The following SPNS3 variants were observed in gnomAD, a reference collection of about 807,000 sequenced individuals.
The protein encoded by SPNS3 is SPNS lysolipid transporter 3, sphingosine-1-phosphate (putative).
A neutral mutation model predicts 54.4 loss-of-function variants in SPNS3; 51 were observed. That is an observed-to-expected ratio of 0.94 (90% CI 0.75 to 1.18). SPNS3 has a LOEUF of 1.18. Among genes scored for constraint, SPNS3 ranks in the 50% most tolerant of loss-of-function variants. The probability of loss-of-function intolerance (pLI) is 0.00; values close to 1 mark genes in which losing one functional copy is unlikely to be tolerated. For missense variants in SPNS3, 669 were observed against 677.4 expected (o/e 0.99, Z 0.14); for synonymous variants, 309 against 294.7 (o/e 1.05, Z -0.50).
Position 4,486,222 on chromosome 17 carries a change from T to C in SPNS3, c.1180-6T>C. ...GGTGCCCCCCTGCTGTGCCTATGTT[T>C]TGCAGTCTGTGGTGGTGCCCAGATG... On this transcript the variant is annotated splice_region_variant and splice_polypyrimidine_tract_variant and intron_variant, in intron 9 of 11. Transcript: ENST00000355530. This position sits in a 1 kb window ranked among gnomAD's most constrained non-coding sequence, Gnocchi z 5.5. The C allele has an allele frequency of 1.3e-6, 2 of 1,538,244 alleles. No individual in the cohort carries two copies. Among genetic ancestry groups the C allele is most frequent in the Non-Finnish European group, 1.7e-6 (2 of 1,145,838 alleles).
intron 8 of SPNS3, among the ~76,000 whole-genome samples, chr17:4,476,849 G>A (rs571223037): frequency 2.0e-5 from 3 of 152,326 alleles, no homozygotes; most frequent in East Asian, 3.9e-4. Flanking sequence ...TCCTTGGCTG[G>A]TTCTGCTCTC....
intron 8 of SPNS3, among the ~76,000 whole-genome samples, chr17:4,464,917 G>T (rs1417199345): frequency 6.6e-6 from 1 of 152,140 alleles, no homozygotes. Context: ...CTGACCTCAG[G>T]TGATCCACCC....
At chr17:4,478,504 G>T in intron 8 of SPNS3, 68 bp from the exon 9 acceptor site, 1 of 1,423,374 alleles carries the variant, frequency 7.0e-7, no homozygotes, top group South Asian at 1.2e-5. Context: ...CTCCACAGGT[G>T]GGAAGCAACA....
chr17:4,477,970 C>CTA (rs1972051579), intron 8 of SPNS3, among the ~76,000 whole-genome samples: 1 of 97,622 alleles, frequency 1.0e-5, no homozygotes, highest in Admixed American at 1.3e-4. Flanking sequence ...TTCACTTTTC[C>CTA]TTTTTTTTTT....
intron 8 of SPNS3, among the ~76,000 whole-genome samples, chr17:4,474,535 C>A (rs1243449401): frequency 6.6e-6 from 1 of 152,174 alleles, no homozygotes; most frequent in Non-Finnish European, 1.5e-5. Context: ...GAAGACTGAG[C>A]TGAACCAAGA....
At chr17:4,441,948 G>C (rs1351474874) in intron 2 of SPNS3, among the ~76,000 whole-genome samples, 1 of 149,170 alleles carries the variant, frequency 6.7e-6, no homozygotes, top group African/African-American at 2.5e-5. Context: ...TAGTGGTCAA[G>C]ATTATTACTA....
chr17:4,442,762 G>A (rs1024014088), intron 2 of SPNS3, among the ~76,000 whole-genome samples: 7 of 152,184 alleles, frequency 4.6e-5, no homozygotes, highest in South Asian at 2.1e-4. Context: ...TTACTATTAT[G>A]TCCATTTTAC....
chr17:4,434,147 G>T lies in SPNS3; in HGVS notation c.180G>T (p.Met60Ile). 1 of 1,611,076 alleles carries T rather than the reference G, an allele frequency of 6.2e-7. No individual in the cohort carries two copies. Among genetic ancestry groups the T allele is most frequent in the South Asian group, 1.1e-5 (1 of 90,696 alleles). ...VLCYINLLNY[M>I]NWFIIAGVLL... ...GCTACATCAACCTCCTGAATTACAT[G>T]AACTGGTTCATCATTGCAGGTGAGG... The change falls in exon 1 of 12, where the codon ATG (methionine) becomes ATT (isoleucine). Residue 60 changes from methionine (M) to isoleucine (I), a missense_variant. Physicochemically the swap from Met to Ile is conservative, Grantham distance 10. Coordinates refer to ENST00000355530, the MANE Select transcript of SPNS3 (RefSeq NM_182538.5).
intron 7 of SPNS3, among the ~76,000 whole-genome samples, chr17:4,451,131 A>G (rs1055231507): frequency 6.6e-6 from 1 of 152,204 alleles, no homozygotes; most frequent in African/African-American, 2.4e-5. Flanking sequence ...AGCCCAGACC[A>G]GGACTCAGAG....
rs142715727 is a variant in SPNS3 at position 4,453,172 on chromosome 17, C to T, written c.1080C>T (p.Leu360=). ...CAGCCCCCTGCCTCTACCTGGCTCTCGTCCTGGCCCCGACCACCCTGCTGG... is the reference window on the plus strand; with the variant it reads ...CAGCCCCCTGCCTCTACCTGGCTCTTGTCCTGGCCCCGACCACCCTGCTGG... The part of the protein sequence containing the change: ...LATAPCLYLA[L]VLAPTTLLAS... Residue 360 remains leucine (L), a synonymous_variant, in exon 8 of 12, where the codon CTC becomes CTT. Transcript: ENST00000355530. 2.2e-5 allele frequency: 36 copies of T among 1,613,724 alleles called. 1 individual carries two copies. The African/African-American group carries it at 2.9e-4, about 13-fold the overall frequency.
intron 4 of SPNS3, chr17:4,446,553 A>G (rs1306290068): frequency 9.6e-6 from 5 of 518,282 alleles, no homozygotes; most frequent in East Asian, 3.2e-5. Flanking sequence ...GCTAGGCCAG[A>G]GCAGGATTTG....
At chr17:4,458,203 A>G (rs1423361444) in intron 8 of SPNS3, among the ~76,000 whole-genome samples, 1 of 152,078 alleles carries the variant, frequency 6.6e-6, no homozygotes, top group Non-Finnish European at 1.5e-5. Flanking sequence ...GAACTGTTCT[A>G]GAAGCCACCT....
chr17:4,477,124 C>T (rs897340231), intron 8 of SPNS3, among the ~76,000 whole-genome samples: 2 of 152,254 alleles, frequency 1.3e-5, no homozygotes, highest in Non-Finnish European at 1.5e-5. Flanking sequence ...CTCTTCCCCC[C>T]GTGGCCTCTT....
chr17:4,434,018 G>A lies in SPNS3; in HGVS notation c.51G>A (p.Leu17=), dbSNP rs369410083. 66 of 1,601,086 alleles carry A rather than the reference G, an allele frequency of 4.1e-5. No homozygotes were observed. Among genetic ancestry groups the A allele is most frequent in the Non-Finnish European group, 5.1e-5 (60 of 1,173,562 alleles). Residue 17 remains leucine (L), a synonymous_variant, in exon 1 of 12, where the codon CTG becomes CTA. Coordinates refer to ENST00000355530, the MANE Select transcript of SPNS3 (RefSeq NM_182538.5). The stretch of plus-strand genomic sequence containing the variant: ...GCCCTGAGCCTGGGCCAGGAGGTCT[G>A]CAGGGCCAGTCCCCAGGGCCAGGCA... The part of the protein sequence containing the change: ...AECPEPGPGG[L]QGQSPGPGRQ...
chr17:4,486,716 AC>A lies in SPNS3; in HGVS notation c.1450+135del. ...AATGCTTAGTACACCCCTGCTATGT[AC>A]CAGGGAAGGTTGCAGATGCTGGGGA... On this transcript the variant is annotated intron_variant, in intron 11 of 11. Transcript: ENST00000355530. This position sits in a 1 kb window ranked among gnomAD's most constrained non-coding sequence, Gnocchi z 5.5. The A allele has an allele frequency of 1.0e-6, 1 of 970,458 alleles. No individual in the cohort carries two copies. The highest frequency in any genetic ancestry group is 1.5e-6 in the Non-Finnish European group (1 of 678,598). 60.1% of individuals were successfully genotyped at this position (970,458 alleles called of 1,614,324 possible).
At position 4,470,808 on chromosome 17, in the gene SPNS3, C is replaced by G. The variant is rs181906667; in HGVS notation, c.1114-7764C>G. Among the ~76,000 whole-genome samples the G allele has an allele frequency of 2.0e-5, 3 of 152,176 alleles. No individual in the cohort carries two copies. In the South Asian group the frequency reaches 6.2e-4, roughly 32 times the overall value. On this transcript the variant is annotated intron_variant, in intron 8 of 11. Transcript: ENST00000355530. ...CTGTGGACTTATTGATGAATACTAG[C>G]TATGAAAGAGGACACCAGCCTTCTT...
At chr17:4,441,238 G>T (rs1282170209) in intron 2 of SPNS3, among the ~76,000 whole-genome samples, 1 of 152,190 alleles carries the variant, frequency 6.6e-6, no homozygotes, top group Non-Finnish European at 1.5e-5. Flanking sequence ...AGAGTGACAT[G>T]AGAGCCAGGT....
intron 7 of SPNS3, among the ~76,000 whole-genome samples, chr17:4,450,129 G>C (rs897570144): frequency 5.9e-5 from 9 of 151,592 alleles, no homozygotes; most frequent in African/African-American, 2.2e-4. Flanking sequence ...ACCCTGTCCT[G>C]GTGGGTCCTG....
At chr17:4,452,039 G>A (rs975949011) in intron 7 of SPNS3, among the ~76,000 whole-genome samples, 27 of 152,102 alleles carry the variant, frequency 1.8e-4, no homozygotes, top group African/African-American at 5.5e-4. Flanking sequence ...GGGTGAAGAA[G>A]TATATTCAAA....
Sources: gnomAD v4.1 joint callset for allele counts (sites outside exome capture counted in the v4.1 genomes callset) on GRCh38, gnomAD v4.1.1 for gene constraint, Gnocchi (gnomAD v3.1) non-coding constraint, MANE v1.5 for transcripts, NCBI Gene and HGNC (gene_info 2026-07-23, HGNC 2026-07-21) for gene names.